The following FHIP1A variants were observed in gnomAD, a reference collection of about 807,000 sequenced individuals.
FHIP1A encodes FHF complex subunit HOOK interacting protein 1A, also known as FHF complex subunit HOOK-interacting protein 1A.
A neutral mutation model predicts 88.6 loss-of-function variants in FHIP1A; 61 were observed. The observed-to-expected ratio is 0.69, with a 90% CI of 0.56 to 0.85. FHIP1A has a LOEUF of 0.85. Ranked by LOEUF, FHIP1A falls within the 40% of genes least tolerant of loss-of-function variation. The probability of loss-of-function intolerance (pLI) is 0.00; values close to 1 mark genes in which losing one functional copy is unlikely to be tolerated. For synonymous variants in FHIP1A, 478 were observed against 496.0 expected, an observed-to-expected ratio of 0.96 and a Z score of 0.48; for missense variants, 1,154 against 1,273.5, an observed-to-expected ratio of 0.91 and a Z score of 1.43.
intron 7 of FHIP1A, among the ~76,000 whole-genome samples, chr4:151,621,684 C>T (rs1169418467): frequency 1.3e-5 from 2 of 151,978 alleles, no homozygotes; most frequent in Non-Finnish European, 2.9e-5. Context: ...GGGTTCTGGC[C>T]CATGGACCAT....
chr4:151,581,066 C>T (rs1219970018), intron 5 of FHIP1A, among the ~76,000 whole-genome samples: 1 of 152,146 alleles, frequency 6.6e-6, no homozygotes, highest in Non-Finnish European at 1.5e-5. Flanking sequence ...ACCATGTTGA[C>T]CAGGCTGGTC....
At chr4:151,621,954 G>A (rs989242853) in intron 7 of FHIP1A, among the ~76,000 whole-genome samples, 1 of 152,176 alleles carries the variant, frequency 6.6e-6, no homozygotes, top group African/African-American at 2.4e-5. Flanking sequence ...ACCCTGCTAA[G>A]GAAGGCATCC....
At position 151,588,836 on chromosome 4, in the gene FHIP1A, T is replaced by C; in HGVS notation, c.892-4T>C. 6.5e-7 allele frequency: 1 copy of C among 1,544,974 alleles called. No individual in the cohort carries two copies. The highest frequency in any genetic ancestry group is 8.8e-7 in the Non-Finnish European group (1 of 1,140,938). ...TTTTTCATGCCTATGTGCCTCTCTC[T>C]CAGGTGGCTCACCCCTTGATTCGAA... is the stretch of plus-strand genomic sequence containing the variant. On this transcript the variant is annotated splice_region_variant and splice_polypyrimidine_tract_variant and intron_variant, in intron 6 of 13. Transcript: ENST00000435205.
intron 7 of FHIP1A, among the ~76,000 whole-genome samples, chr4:151,612,416 C>T (rs571477097): frequency 1.6e-4 from 25 of 152,284 alleles, no homozygotes; most frequent in African/African-American, 5.5e-4. Flanking sequence ...AGTCTCGCTC[C>T]GTTGCTCAGG....
chr4:151,459,864 G>C (rs1476482825), intron 2 of FHIP1A, among the ~76,000 whole-genome samples: 1 of 152,138 alleles, frequency 6.6e-6, no homozygotes, highest in Non-Finnish European at 1.5e-5. Context: ...GGTTGACGGA[G>C]AGAGAGCAAG....
chr4:151,448,421 C>T (rs1408554542), intron 1 of FHIP1A, among the ~76,000 whole-genome samples: 1 of 152,160 alleles, frequency 6.6e-6, no homozygotes, highest in African/African-American at 2.4e-5. Flanking sequence ...GAAGTGTTTT[C>T]ATCTTGCTAA....
chr4:151,528,974 G>A (rs1443088), intron 3 of FHIP1A, among the ~76,000 whole-genome samples: 75,360 of 151,900 alleles, frequency 0.5, 18,919 homozygotes, highest in Non-Finnish European at 0.55. Context: ...CTGCCCTCTG[G>A]TTGCTTCCTC....
At chr4:151,464,046 C>CTTAT (rs1729224222) in intron 2 of FHIP1A, among the ~76,000 whole-genome samples, 1 of 151,974 alleles carries the variant, frequency 6.6e-6, no homozygotes, top group African/African-American at 2.4e-5. Context: ...TGTTTATTTA[C>CTTAT]TTATTTTTTA....
At chr4:151,602,731 T>C (rs559475470) in intron 7 of FHIP1A, among the ~76,000 whole-genome samples, 24 of 152,226 alleles carry the variant, frequency 1.6e-4, no homozygotes, top group African/African-American at 5.5e-4. Flanking sequence ...GATAAGGGGC[T>C]CAGGAACCAT....
At chr4:151,615,856 T>G (rs983756938) in intron 7 of FHIP1A, among the ~76,000 whole-genome samples, 1 of 152,144 alleles carries the variant, frequency 6.6e-6, no homozygotes, top group Non-Finnish European at 1.5e-5. Context: ...TCACACCTGG[T>G]GTCATGGTTT....
chr4:151,430,605 T>C (rs1733554061), intron 1 of FHIP1A, among the ~76,000 whole-genome samples: 1 of 152,226 alleles, frequency 6.6e-6, no homozygotes, highest in African/African-American at 2.4e-5. Flanking sequence ...GTAGGAGTAA[T>C]TGAGTCTAAA....
chr4:151,443,636 T>C (rs527522983), intron 1 of FHIP1A, among the ~76,000 whole-genome samples: 4 of 151,702 alleles, frequency 2.6e-5, no homozygotes, highest in African/African-American at 7.2e-5. Context: ...TTTCCTTCTT[T>C]TTCCTCAGTT....
rs576629780 is a variant in FHIP1A at position 151,641,115 on chromosome 4, C to T, written c.1226+2359C>T. On this transcript the variant is annotated intron_variant, in intron 9 of 13. Transcript: ENST00000435205. ...GGGCTTGACTGCCTGGTCCTAGACT[C>T]TCTGGGCCCATGTTTCTTTAATGAG... Among the ~76,000 whole-genome samples the T allele has an allele frequency of 3.3e-5, 5 of 151,928 alleles. No homozygotes were observed. The South Asian group carries it at 1.0e-3, about 32-fold the overall frequency.
At chr4:151,594,088 G>A (rs1395404288) in intron 7 of FHIP1A, among the ~76,000 whole-genome samples, 3 of 152,188 alleles carry the variant, frequency 2.0e-5, no homozygotes, top group African/African-American at 7.2e-5. Context: ...TGTTGAACCA[G>A]CCTTGCATCC....
At chr4:151,411,363 A>T (rs1390702541) in intron 1 of FHIP1A, among the ~76,000 whole-genome samples, 5 of 27,004 alleles carry the variant, frequency 1.9e-4, no homozygotes, top group African/African-American at 4.3e-4. Context: ...TTTTTTTTTT[A>T]AAGTTAGGGT....
rs891061842 is a variant in FHIP1A, at chr4:151,517,314, G to A, written c.-123+34666G>A. Among the ~76,000 whole-genome samples the A allele has an allele frequency of 1.2e-4, 18 of 152,112 alleles. No individual in the cohort carries two copies. In the East Asian group the frequency reaches 1.5e-3, roughly 13 times the overall value. ...TGGGGACTGTTGTGGGGTTGGGGGAGGGGGGAGGCATAGCTTTAGGAGATA... is the reference window on the plus strand; with the variant it reads ...TGGGGACTGTTGTGGGGTTGGGGGAAGGGGGAGGCATAGCTTTAGGAGATA... On this transcript the variant is annotated intron_variant, in intron 3 of 13. Coordinates refer to ENST00000435205, the MANE Select transcript of FHIP1A (RefSeq NM_001109977.3).
intron 10 of FHIP1A, among the ~76,000 whole-genome samples, chr4:151,649,122 G>C (rs1417779285): frequency 6.6e-6 from 1 of 152,140 alleles, no homozygotes; most frequent in Non-Finnish European, 1.5e-5. Flanking sequence ...TACTATATCA[G>C]GTGTATTACC....
At chr4:151,466,559 C>G (rs1729321338) in intron 2 of FHIP1A, among the ~76,000 whole-genome samples, 1 of 152,162 alleles carries the variant, frequency 6.6e-6, no homozygotes, top group Admixed American at 6.5e-5. Flanking sequence ...CTGGAGGCAT[C>G]ACACTACCTG....
chr4:151,436,029 T>C (rs894608791), intron 1 of FHIP1A, among the ~76,000 whole-genome samples: 6 of 152,158 alleles, frequency 3.9e-5, no homozygotes, highest in Non-Finnish European at 7.4e-5. Context: ...AAATGACACA[T>C]TGATGTTTAC....
Sources: allele counts gnomAD v4.1 joint callset (sites outside exome capture counted in the v4.1 genomes callset), GRCh38; gene constraint gnomAD v4.1.1; transcripts MANE v1.5; gene names NCBI Gene and HGNC (gene_info 2026-07-23, HGNC 2026-07-21).